The following HNRNPF variants were observed in gnomAD, a reference collection of about 807,000 sequenced individuals.
The protein encoded by HNRNPF is heterogeneous nuclear ribonucleoprotein F.
A neutral mutation model predicts 26.0 loss-of-function variants in HNRNPF; 2 were observed. The observed-to-expected ratio is 0.08, with a 90% confidence interval of 0.03 to 0.24. The LOEUF is 0.24. Among genes scored for constraint, HNRNPF ranks in the 10% least tolerant of loss-of-function variants. HNRNPF has a pLI of 1.00. For synonymous variants in HNRNPF, 234 were observed against 211.5 expected (o/e 1.11, Z -0.92); for missense variants, 299 against 539.2 (o/e 0.55, Z 4.41).
At chr10:43,391,607 C>T (rs1324266081) in intron 3 of HNRNPF, among the ~76,000 whole-genome samples, 1 of 151,970 alleles carries the variant, frequency 6.6e-6, no homozygotes, top group East Asian at 1.9e-4. Context: ...CAGACTCTCA[C>T]CTCCTCTCCA....
chr10:43,406,968 T>A (rs937150234), intron 1 of HNRNPF, among the ~76,000 whole-genome samples: 1 of 152,196 alleles, frequency 6.6e-6, no homozygotes, highest in Non-Finnish European at 1.5e-5. Flanking sequence ...ACGAGTCACT[T>A]TGCAGGAATA....
At chr10:43,404,507 C>T (rs958016288) in intron 1 of HNRNPF, among the ~76,000 whole-genome samples, 2 of 152,124 alleles carry the variant, frequency 1.3e-5, no homozygotes, top group African/African-American at 2.4e-5. Context: ...TATGTGCCTC[C>T]GGTTGGAGCA....
rs779964838 is a variant in HNRNPF, at chr10:43,386,731, G to C, written c.1154C>G (p.Ala385Gly). 1 of 1,614,148 alleles carries C rather than the reference G, an allele frequency of 6.2e-7. No homozygotes were observed. The highest frequency in any genetic ancestry group is 8.5e-7 in the Non-Finnish European group (1 of 1,180,004). Residue 385 changes from alanine (A) to glycine (G), a missense_variant, in exon 4 of 4, where the codon GCC becomes GGC. Coordinates refer to ENST00000682386, the MANE Select transcript of HNRNPF (RefSeq NM_001098204.2). ...CTCCAGGCCACTGTAAGTGGCCTGG[G>C]CAGCAGACACCCCCATGCCTTGCAT... ...QVMQGMGVSA[A>G]QATYSGLESQ...
At chr10:43,404,092 T>TCA in intron 1 of HNRNPF, among the ~76,000 whole-genome samples, 1 of 150,606 alleles carries the variant, frequency 6.6e-6, no homozygotes, top group Non-Finnish European at 1.5e-5. Flanking sequence ...AGGTCAGGAG[T>TCA]TTGAGACCAG....
At chr10:43,401,983 C>A (rs1185668559) in intron 1 of HNRNPF, among the ~76,000 whole-genome samples, 1 of 152,056 alleles carries the variant, frequency 6.6e-6, no homozygotes, top group African/African-American at 2.4e-5. Flanking sequence ...AGGAACATGA[C>A]AATTTACAGA....
At position 43,386,924 on chromosome 10, in the gene HNRNPF, T is replaced by C. The variant is rs750681992; in HGVS notation, c.961A>G (p.Ile321Val). The change falls in exon 4 of 4, where the codon ATT becomes GTT. Residue 321 changes from isoleucine (I) to valine (V), a missense_variant. By Grantham distance (29) the Ile-to-Val change is conservative. Coordinates refer to ENST00000682386, the MANE Select transcript of HNRNPF (RefSeq NM_001098204.2). Reference sequence around the variant, plus strand: ...CCCGTCACTCTTCCATCTGGGCCAATCTCAATATGGACTCTCACAGGGTTG... The same window carrying C: ...CCCGTCACTCTTCCATCTGGGCCAACCTCAATATGGACTCTCACAGGGTTG... ...PLNPVRVHIE[I>V]GPDGRVTGEA... is the part of the protein sequence containing the mutation. The C allele has an allele frequency of 6.2e-7, 1 of 1,614,178 alleles. No homozygotes were observed. The highest frequency in any genetic ancestry group is 8.5e-7 in the Non-Finnish European group (1 of 1,180,038).
intron 3 of HNRNPF, among the ~76,000 whole-genome samples, chr10:43,391,486 A>G (rs1203933645): frequency 6.6e-6 from 1 of 152,052 alleles, no homozygotes; most frequent in African/African-American, 2.4e-5. Flanking sequence ...AAGAAAAAAA[A>G]AAGAAAATCA....
chr10:43,402,450 A>G (rs1247878167), intron 1 of HNRNPF, among the ~76,000 whole-genome samples: 2 of 152,142 alleles, frequency 1.3e-5, no homozygotes, highest in African/African-American at 4.8e-5. Flanking sequence ...CCTACTATTC[A>G]CATTATTTCT....
rs1441097228 is a variant in HNRNPF, at chr10:43,387,822, G to A, written c.63C>T (p.Ser21=). 2 of 1,614,106 alleles carry A rather than the reference G, an allele frequency of 1.2e-6. No individual in the cohort carries two copies. Among genetic ancestry groups the A allele is most frequent in the African/African-American group, 2.7e-5 (2 of 75,016 alleles). ...FVVKLRGLPW[S]CSVEDVQNFL... ...AGTTCTGCACGTCCTCAACAGAGCA[G>A]GACCAGGGCAGGCCACGGAGCTTGA... Residue 21 remains serine (S), a synonymous_variant, in exon 4 of 4, where the codon TCC becomes TCT. Coordinates refer to ENST00000682386, the MANE Select transcript of HNRNPF (RefSeq NM_001098204.2). This position sits in a 1 kb window ranked among gnomAD's most constrained non-coding sequence, Gnocchi z 6.0.
intron 1 of HNRNPF, among the ~76,000 whole-genome samples, chr10:43,402,894 CT>C (rs59258374): frequency 0.11 from 16,885 of 147,522 alleles, 977 homozygotes; most frequent in Non-Finnish European, 0.12. Context: ...ATTATGATGG[CT>C]TTTTTTTTTT....
In HNRNPF at chr10:43,387,761, C is replaced by T. The variant is rs1345471234; in HGVS notation, c.124G>A (p.Gly42Ser). ...SDCTIHDGAA[G>S]VHFIYTREGR... is the part of the protein sequence containing the mutation. ...TCTCTAGTGTAGATGAAATGGACAC[C>T]TGCGGCCCCATCATGAATCGTGCAG... Residue 42 changes from glycine (G) to serine (S), a missense_variant, in exon 4 of 4, where the codon GGT becomes AGT. Physicochemically the swap from Gly to Ser is moderately conservative, Grantham distance 56. Coordinates refer to ENST00000682386, the MANE Select transcript of HNRNPF (RefSeq NM_001098204.2). This position sits in a 1 kb window ranked among gnomAD's most constrained non-coding sequence, Gnocchi z 6.0. The T allele has an allele frequency of 3.7e-6, 6 of 1,614,006 alleles. No individual in the cohort carries two copies. Among genetic ancestry groups the T allele is most frequent in the Non-Finnish European group, 4.2e-6 (5 of 1,180,006 alleles).
At chr10:43,398,319 G>A (rs78249564) in intron 1 of HNRNPF, among the ~76,000 whole-genome samples, 3 of 149,966 alleles carry the variant, frequency 2.0e-5, no homozygotes, top group Admixed American at 1.3e-4. Flanking sequence ...CCCCATGCCC[G>A]GCCTGTTTGG....
chr10:43,392,101 G>A (rs538328700), intron 3 of HNRNPF, among the ~76,000 whole-genome samples: 9 of 152,128 alleles, frequency 5.9e-5, no homozygotes, highest in East Asian at 1.9e-4. Context: ...AAAATTAGCC[G>A]AGCATAGTGG....
intron 1 of HNRNPF, among the ~76,000 whole-genome samples, chr10:43,399,114 AC>A (rs1239811865): frequency 6.6e-6 from 1 of 152,270 alleles, no homozygotes; most frequent in East Asian, 1.9e-4. Flanking sequence ...ATGGAGAATA[AC>A]TGTCCATGAT....
chr10:43,391,366 G>T (rs1181522161), intron 3 of HNRNPF, among the ~76,000 whole-genome samples: 1 of 151,772 alleles, frequency 6.6e-6, no homozygotes, highest in African/African-American at 2.4e-5. Flanking sequence ...GCTGAGGCAA[G>T]AGAATCACCT....
chr10:43,395,587 G>A (rs1838456451), intron 2 of HNRNPF, among the ~76,000 whole-genome samples: 1 of 152,172 alleles, frequency 6.6e-6, no homozygotes, highest in African/African-American at 2.4e-5. Context: ...GACACTATTG[G>A]GGGGGTGTAC....
intron 3 of HNRNPF, among the ~76,000 whole-genome samples, chr10:43,393,596 C>CAA (rs60717059): frequency 0.019 from 2,746 of 141,000 alleles, 55 homozygotes; most frequent in South Asian, 0.12. Flanking sequence ...AACTCCATCT[C>CAA]AAAAAAAAAA....
intron 1 of HNRNPF, among the ~76,000 whole-genome samples, chr10:43,405,413 T>C (rs1044284091): frequency 6.6e-6 from 1 of 152,174 alleles, no homozygotes; most frequent in African/African-American, 2.4e-5. Flanking sequence ...TCCCAGCACT[T>C]TGGGAGGCCG....
chr10:43,404,520 G>A (rs1838852275), intron 1 of HNRNPF, among the ~76,000 whole-genome samples: 1 of 152,086 alleles, frequency 6.6e-6, no homozygotes, highest in Non-Finnish European at 1.5e-5. Flanking sequence ...TTGGAGCACA[G>A]CACCTCAAGT....
Sources: allele counts gnomAD v4.1 joint callset (sites outside exome capture counted in the v4.1 genomes callset), GRCh38; gene constraint gnomAD v4.1.1; non-coding constraint Gnocchi (gnomAD v3.1); transcripts MANE v1.5; gene names NCBI Gene and HGNC (gene_info 2026-07-23, HGNC 2026-07-21).